Variants in MICU1 observed in about 807,000 individuals in gnomAD.
MICU1 encodes the protein mitochondrial calcium uptake 1.
A neutral mutation model predicts 56.8 loss-of-function variants in MICU1; 45 were observed. The observed-to-expected ratio is 0.79, with a 90% CI of 0.62 to 1.02. The LOEUF (loss-of-function observed/expected upper bound fraction) is 1.02, where lower values mean the gene tolerates loss of function less well. MICU1 is among the 50% of genes least tolerant of loss of function. MICU1 has a pLI of 0.00. For missense variants in MICU1, 504 were observed against 587.1 expected, an observed-to-expected ratio of 0.86 and a Z score of 1.46; for synonymous variants, 186 against 195.1, an observed-to-expected ratio of 0.95 and a Z score of 0.39.
At chr10:72,429,419 CA>C (rs34154785) in intron 8 of MICU1, among the ~76,000 whole-genome samples, 64 of 113,348 alleles carry the variant, frequency 5.6e-4, no homozygotes, top group East Asian at 2.3e-3. Flanking sequence ...GATCCTGCCT[CA>C]AAAAAAAAAA....
chr10:72,500,257 CATACATATATATATATATAT>C lies in MICU1; in HGVS notation c.652+7878_652+7897del, dbSNP rs1334925648. 5.2e-3 allele frequency among the ~76,000 whole-genome samples: 249 copies of C among 47,774 alleles called. 9 individuals are homozygous for C. The highest frequency in any genetic ancestry group is 0.026 in the Middle Eastern group (2 of 78). 31.3% of individuals were successfully genotyped at this position (47,774 alleles called of 152,430 possible). A position where few individuals can be genotyped will look rare whatever the true frequency, so the allele number is the denominator to read the frequency against. ...TGATAAACTATTATATACATACATA[CATACATATATATATATATAT>C]ATATATATATATATATATATATATA... On this transcript the variant is annotated intron_variant, in intron 6 of 11. Coordinates refer to ENST00000361114, the MANE Select transcript of MICU1 (RefSeq NM_001195518.2).
At chr10:72,474,837 T>C (rs1035750547) in intron 8 of MICU1, among the ~76,000 whole-genome samples, 3 of 152,238 alleles carry the variant, frequency 2.0e-5, no homozygotes, top group Non-Finnish European at 4.4e-5. Context: ...CCTGAGTTTC[T>C]TTCTCCACAA....
At chr10:72,528,682 T>C in intron 5 of MICU1, 1 of 182,590 alleles carries the variant, frequency 5.5e-6, no homozygotes, top group Non-Finnish European at 1.2e-5. Flanking sequence ...CTTCAAAACA[T>C]TTAACTCTTA....
intron 8 of MICU1, among the ~76,000 whole-genome samples, chr10:72,453,570 C>T (rs889760097): frequency 2.0e-4 from 31 of 152,188 alleles, no homozygotes; most frequent in African/African-American, 6.5e-4. Flanking sequence ...GCTCTTGTTG[C>T]CCAGGCTGGA....
chr10:72,509,999 C>T (rs1017760824), intron 5 of MICU1, among the ~76,000 whole-genome samples: 4 of 151,990 alleles, frequency 2.6e-5, no homozygotes, highest in African/African-American at 9.7e-5. Flanking sequence ...TGACCATTAC[C>T]AGCCATAACA....
intron 1 of MICU1, among the ~76,000 whole-genome samples, chr10:72,604,642 C>T (rs1381043820): frequency 1.3e-5 from 2 of 152,040 alleles, no homozygotes; most frequent in African/African-American, 4.8e-5. Flanking sequence ...AAAAGAATCT[C>T]CCTTTCTTAC....
At chr10:72,387,792 T>C (rs962130094) in intron 10 of MICU1, among the ~76,000 whole-genome samples, 22 of 149,538 alleles carry the variant, frequency 1.5e-4, no homozygotes, top group Admixed American at 2.0e-4. Context: ...TTAAGGATGA[T>C]TTAAAAAAAA....
At chr10:72,565,266 T>G (rs540292418) in intron 2 of MICU1, among the ~76,000 whole-genome samples, 1 of 151,846 alleles carries the variant, frequency 6.6e-6, no homozygotes, top group South Asian at 2.1e-4. Flanking sequence ...TAGACTGGAT[T>G]AAGAAAATGT....
At chr10:72,455,350 C>CCAAA (rs1266151652) in intron 8 of MICU1, among the ~76,000 whole-genome samples, 7 of 44,204 alleles carry the variant, frequency 1.6e-4, no homozygotes, top group African/African-American at 4.7e-4. Flanking sequence ...GACTCTGTCT[C>CCAAA]AAAAAAAAAA....
At chr10:72,607,001 C>T (rs3009536) in intron 1 of MICU1, among the ~76,000 whole-genome samples, 85,579 of 151,936 alleles carry the variant, frequency 0.56, 25,465 homozygotes, top group Non-Finnish European at 0.67. Context: ...CCTTGCCCTA[C>T]GCAACTCTTA....
intron 4 of MICU1, among the ~76,000 whole-genome samples, chr10:72,537,048 A>G (rs1050004443): frequency 3.3e-5 from 5 of 152,204 alleles, no homozygotes; most frequent in Non-Finnish European, 4.4e-5. Flanking sequence ...TATGCTCTTC[A>G]TTATATTAAA....
intron 8 of MICU1, among the ~76,000 whole-genome samples, chr10:72,446,471 C>A (rs1235283872): frequency 6.6e-6 from 1 of 151,942 alleles, no homozygotes; most frequent in Non-Finnish European, 1.5e-5. Context: ...GCTGGGATTA[C>A]AGGTGTCCGC....
intron 8 of MICU1, among the ~76,000 whole-genome samples, chr10:72,442,331 A>C (rs2132186061): frequency 6.6e-6 from 1 of 152,012 alleles, no homozygotes; most frequent in South Asian, 2.1e-4. Context: ...TTTAGTAGAG[A>C]TAGGGTTTCA....
At chr10:72,404,943 G>A (rs945621542) in intron 10 of MICU1, among the ~76,000 whole-genome samples, 1 of 152,112 alleles carries the variant, frequency 6.6e-6, no homozygotes, top group African/African-American at 2.4e-5. Context: ...GTCTTGCTCT[G>A]CTACCCAGTC....
chr10:72,524,656 G>A (rs561885854), intron 5 of MICU1: 49 of 1,025,094 alleles, frequency 4.8e-5, no homozygotes, highest in Admixed American at 3.8e-4. Flanking sequence ...TGCATCATGC[G>A]CTGAACCTTT....
chr10:72,618,567 T>C (rs1001213505), intron 1 of MICU1, among the ~76,000 whole-genome samples: 2 of 152,238 alleles, frequency 1.3e-5, no homozygotes, highest in Admixed American at 1.3e-4. Flanking sequence ...CTACTTTATT[T>C]GAAATATATT....
At chr10:72,516,887 G>C (rs1318750145) in intron 5 of MICU1, among the ~76,000 whole-genome samples, 1 of 152,184 alleles carries the variant, frequency 6.6e-6, no homozygotes, top group Non-Finnish European at 1.5e-5. Context: ...AAGAAGTAGA[G>C]AGGGAGAGAA....
intron 4 of MICU1, among the ~76,000 whole-genome samples, chr10:72,538,702 A>G (rs1839695796): frequency 6.6e-6 from 1 of 151,834 alleles, no homozygotes; most frequent in Non-Finnish European, 1.5e-5. Context: ...TTACAAAACA[A>G]CCAGAAAATG....
chr10:72,612,283 C>A (rs372973107), intron 1 of MICU1, among the ~76,000 whole-genome samples: 39 of 147,626 alleles, frequency 2.6e-4, no homozygotes, highest in Non-Finnish European at 2.2e-4. Flanking sequence ...TTTTCTTAAC[C>A]AAAAAAAAAA....
Sources: gnomAD v4.1 joint callset for allele counts (sites outside exome capture counted in the v4.1 genomes callset) on GRCh38, gnomAD v4.1.1 for gene constraint, MANE v1.5 for transcripts, NCBI Gene and HGNC (gene_info 2026-07-23, HGNC 2026-07-21) for gene names.